HIVEP3: variants seen among roughly 807,000 people sequenced by gnomAD.
HIVEP3 encodes transcription factor HIVEP3.
A neutral mutation model predicts 152.8 loss-of-function variants in HIVEP3; 49 were observed. The ratio of observed to expected loss-of-function variants is 0.32; its 90% CI spans 0.26 to 0.41. The LOEUF (loss-of-function observed/expected upper bound fraction) is 0.41, where lower values mean the gene tolerates loss of function less well. HIVEP3 is among the 10% of genes least tolerant of loss of function. HIVEP3 has a pLI of 1.00. For synonymous variants in HIVEP3, 1,269 were observed against 1,289.0 expected (o/e 0.98, Z 0.33); for missense variants, 2,790 against 3,103.3 (o/e 0.90, Z 2.40).
chr1:41,841,775 T>C (rs1184384997), intron 1 of HIVEP3, among the ~76,000 whole-genome samples: 1 of 152,158 alleles, frequency 6.6e-6, no homozygotes. Flanking sequence ...ATGAGTTTGG[T>C]ACATCATAAG....
rs1290641835 is a variant in HIVEP3 at position 41,775,770 on chromosome 1, C to T, written c.-800-74775G>A. Among the ~76,000 whole-genome samples, 5 of 152,102 alleles carry T rather than the reference C, an allele frequency of 3.3e-5. No individual in the cohort carries two copies. In the East Asian group the frequency reaches 5.8e-4, roughly 18 times the overall value. On this transcript the variant is annotated intron_variant, in intron 1 of 8. Coordinates refer to ENST00000372583, the MANE Select transcript of HIVEP3 (RefSeq NM_024503.5). The stretch of plus-strand genomic sequence containing the variant: ...TGCAGGGATTACAGGCATGAGCCAC[C>T]GCACCCAGCCAGAAGGAGTGGTTTT...
chr1:41,596,020 C>T (rs556423085), intron 3 of HIVEP3, among the ~76,000 whole-genome samples: 17 of 152,242 alleles, frequency 1.1e-4, no homozygotes, highest in Non-Finnish European at 2.1e-4. Context: ...GTTCAATGTA[C>T]GCAAAGCACA....
At chr1:41,516,977 A>G (rs779669176) in intron 7 of HIVEP3, among the ~76,000 whole-genome samples, 2 of 152,188 alleles carry the variant, frequency 1.3e-5, no homozygotes, top group Non-Finnish European at 2.9e-5. Flanking sequence ...TGCCATGCCG[A>G]CTGCCTGAGG....
chr1:41,732,769 C>G (rs1417865651), intron 1 of HIVEP3, among the ~76,000 whole-genome samples: 1 of 152,180 alleles, frequency 6.6e-6, no homozygotes, highest in Non-Finnish European at 1.5e-5. Flanking sequence ...CTGCCTTCCC[C>G]CAACAGAACC....
At chr1:41,578,806 GA>G (rs941027873) in intron 4 of HIVEP3, among the ~76,000 whole-genome samples, 9 of 152,292 alleles carry the variant, frequency 5.9e-5, no homozygotes, top group African/African-American at 2.2e-4. Context: ...CTATAGAAGG[GA>G]GATGGTTATG....
chr1:41,925,291 C>G (rs1246632435), intron 1 of HIVEP3, among the ~76,000 whole-genome samples: 1 of 152,104 alleles, frequency 6.6e-6, no homozygotes, highest in East Asian at 1.9e-4. Flanking sequence ...TTTGACTCCC[C>G]CAAAACTTAA....
intron 1 of HIVEP3, among the ~76,000 whole-genome samples, chr1:42,028,065 A>C (rs1269740524): frequency 6.6e-6 from 1 of 152,174 alleles, no homozygotes; most frequent in Non-Finnish European, 1.5e-5. Flanking sequence ...TCACTTTATT[A>C]AGAGGCCTTC....
chr1:41,551,151 T>C (rs1643889579), intron 5 of HIVEP3, among the ~76,000 whole-genome samples: 1 of 152,258 alleles, frequency 6.6e-6, no homozygotes, highest in Non-Finnish European at 1.5e-5. Context: ...TTTTTGTCGA[T>C]GGTTCTGTTT....
At chr1:41,914,123 C>T (rs1031533505) in intron 1 of HIVEP3, among the ~76,000 whole-genome samples, 1 of 152,152 alleles carries the variant, frequency 6.6e-6, no homozygotes, top group Admixed American at 6.5e-5. Flanking sequence ...GAGGGGAGAC[C>T]CATCAGTCAT....
intron 1 of HIVEP3, among the ~76,000 whole-genome samples, chr1:41,861,075 G>A (rs1217272993): frequency 6.6e-6 from 1 of 152,196 alleles, no homozygotes; most frequent in Non-Finnish European, 1.5e-5. Flanking sequence ...GGAGGTGGGT[G>A]GTGGTTAAAA....
At chr1:41,853,592 T>C (rs1643666695) in intron 1 of HIVEP3, among the ~76,000 whole-genome samples, 1 of 152,060 alleles carries the variant, frequency 6.6e-6, no homozygotes, top group South Asian at 2.1e-4. Context: ...ACAATTCAAG[T>C]GAGATTTTGG....
At chr1:41,871,407 T>TAA (rs5773753) in intron 1 of HIVEP3, among the ~76,000 whole-genome samples, 1 of 147,994 alleles carries the variant, frequency 6.8e-6, no homozygotes. Context: ...CATTTAAAGC[T>TAA]AAAAAAAAAA....
In HIVEP3 at chr1:41,580,362, T is replaced by C; in HGVS notation, c.4436A>G (p.Lys1479Arg). ...SVVLTSTEDG[K>R]RPEKSHLGNQ... ...GCCTAAGTGGGATTTCTCTGGCCTC[T>C]TCCCATCCTCGGTGCTGGTAAGGAC... The change falls in exon 4 of 9, where the codon AAG becomes AGG. Residue 1479 changes from lysine to arginine, a missense_variant. Transcript: ENST00000372583. 1.2e-6 allele frequency: 2 copies of C among 1,614,216 alleles called. No individual in the cohort carries two copies. Among genetic ancestry groups the C allele is most frequent in the Non-Finnish European group, 1.7e-6 (2 of 1,180,034 alleles).
intron 1 of HIVEP3, among the ~76,000 whole-genome samples, chr1:41,943,028 T>C (rs1484971664): frequency 6.6e-6 from 1 of 152,146 alleles, no homozygotes; most frequent in Non-Finnish European, 1.5e-5. Flanking sequence ...GCCTCCCAAG[T>C]AGCTGGGACT....
At chr1:42,034,539 T>C (rs1645630212) in intron 1 of HIVEP3, among the ~76,000 whole-genome samples, 1 of 152,180 alleles carries the variant, frequency 6.6e-6, no homozygotes, top group Non-Finnish European at 1.5e-5. Context: ...AACGAGCAGA[T>C]AAAAGTGCTA....
At chr1:41,520,321 A>G (rs116834377) in intron 6 of HIVEP3, among the ~76,000 whole-genome samples, 2,228 of 152,232 alleles carry the variant, frequency 0.015, 65 homozygotes, top group African/African-American at 0.051. Flanking sequence ...TCATGACTCT[A>G]TCCTTCCCAA....
intron 5 of HIVEP3, among the ~76,000 whole-genome samples, chr1:41,547,190 G>C (rs745362491): frequency 6.6e-6 from 1 of 152,142 alleles, no homozygotes; most frequent in Non-Finnish European, 1.5e-5. Flanking sequence ...CCAGGCTTGC[G>C]GATTTAAACT....
chr1:41,584,864 C>A lies in HIVEP3; in HGVS notation c.-67G>T. On this transcript the variant is annotated 5_prime_UTR_variant, in exon 4 of 9. Coordinates refer to ENST00000372583, the MANE Select transcript of HIVEP3 (RefSeq NM_024503.5). The surrounding 1 kb of genome is among the most constrained non-coding windows in gnomAD (Gnocchi z 5.2). ...GGCGGGCTGCATTTATGAATAATCC[C>A]AGTGTCCCAAGGAGGTGTCCAGCTT... 7.2e-7 allele frequency: 1 copy of A among 1,381,346 alleles called. No individual in the cohort carries two copies. The highest frequency in any genetic ancestry group is 1.8e-5 in the South Asian group (1 of 55,638). 85.6% of individuals were successfully genotyped at this position (1,381,346 alleles called of 1,614,324 possible).
At chr1:41,857,820 CTGGAGTTTCAA>C (rs1243558550) in intron 1 of HIVEP3, among the ~76,000 whole-genome samples, 2 of 152,202 alleles carry the variant, frequency 1.3e-5, no homozygotes, top group Non-Finnish European at 2.9e-5. Context: ...AGCTAGAAGA[CTGGAGTTTCAA>C]TGTATGTTTA....
Sources: allele counts gnomAD v4.1 joint callset (sites outside exome capture counted in the v4.1 genomes callset), GRCh38; gene constraint gnomAD v4.1.1; non-coding constraint Gnocchi (gnomAD v3.1); transcripts MANE v1.5; gene names NCBI Gene and HGNC (gene_info 2026-07-23, HGNC 2026-07-21).